The following ROBO1 variants were observed in gnomAD, a reference collection of about 807,000 sequenced individuals.
ROBO1 encodes the protein roundabout homolog 1.
Under a neutral mutation model 195.9 loss-of-function variants are expected in ROBO1, and 149 were observed. The observed-to-expected ratio is 0.76, with a 90% CI of 0.67 to 0.87. ROBO1 has a LOEUF of 0.87. Among genes scored for constraint, ROBO1 ranks in the 40% least tolerant of loss-of-function variants. The probability of loss-of-function intolerance (pLI) is 0.00; values close to 1 mark genes in which losing one functional copy is unlikely to be tolerated. For missense variants in ROBO1, 1,933 were observed against 2,068.3 expected, an observed-to-expected ratio of 0.93 and a Z score of 1.27; for synonymous variants, 816 against 733.2, an observed-to-expected ratio of 1.11 and a Z score of -1.82.
chr3:78,997,789 G>A lies in ROBO1; in HGVS notation c.173-58862C>T, dbSNP rs557870290. On this transcript the variant is annotated intron_variant, in intron 3 of 30. Transcript: ENST00000464233. ...GTGATGCTTGACCCGTCTTATGTGT[G>A]CTGAGTATTAATTGGGCAGTAGGGT... 2.6e-5 allele frequency among the ~76,000 whole-genome samples: 4 copies of A among 152,240 alleles called. No homozygotes were observed. The East Asian group carries it at 7.7e-4, about 29-fold the overall frequency.
At position 79,026,007 on chromosome 3, in the gene ROBO1, A is replaced by C. The variant is rs1417137845; in HGVS notation, c.173-87080T>G. ...ACCTTTAACATCCTTACATCATTAG[A>C]TATGGCATAGTATAATAGATATTGT... On this transcript the variant is annotated intron_variant, in intron 3 of 30. Coordinates refer to ENST00000464233, the MANE Select transcript of ROBO1 (RefSeq NM_002941.4). Among the ~76,000 whole-genome samples, 3 of 152,136 alleles carry C rather than the reference A, an allele frequency of 2.0e-5. No individual in the cohort carries two copies. The East Asian group carries it at 5.8e-4, about 29-fold the overall frequency.
chr3:79,151,033 T>C (rs1166253675), intron 2 of ROBO1, among the ~76,000 whole-genome samples: 1 of 151,750 alleles, frequency 6.6e-6, no homozygotes, highest in African/African-American at 2.4e-5. Context: ...TCCGTACTGT[T>C]CACGTGGTAA....
intron 3 of ROBO1, among the ~76,000 whole-genome samples, chr3:78,970,449 CTA>C (rs1396810604): frequency 6.6e-6 from 1 of 152,114 alleles, no homozygotes; most frequent in Non-Finnish European, 1.5e-5. Flanking sequence ...AAACAGTGAA[CTA>C]TATCTACCCC....
At chr3:79,666,233 A>T (rs576763042) in intron 1 of ROBO1, among the ~76,000 whole-genome samples, 137 of 152,024 alleles carry the variant, frequency 9.0e-4, no homozygotes, top group African/African-American at 3.2e-3. Flanking sequence ...AAGCAAGCTA[A>T]AAAGAATCCC....
chr3:79,759,175 T>C (rs1304498892), intron 1 of ROBO1, among the ~76,000 whole-genome samples: 1 of 152,226 alleles, frequency 6.6e-6, no homozygotes, highest in Non-Finnish European at 1.5e-5. Flanking sequence ...CAGAATACTT[T>C]CTATGACTGC....
chr3:78,971,922 T>C lies in ROBO1; in HGVS notation c.173-32995A>G, dbSNP rs575983449. Reference sequence around the variant, plus strand: ...CTGGGATTACAGGCGCCCGCCACCATGCCCACTTAATATTTTTGTATTTTT... The same window carrying C: ...CTGGGATTACAGGCGCCCGCCACCACGCCCACTTAATATTTTTGTATTTTT... On this transcript the variant is annotated intron_variant, in intron 3 of 30. Coordinates refer to ENST00000464233, the MANE Select transcript of ROBO1 (RefSeq NM_002941.4). Among the ~76,000 whole-genome samples, 39 of 152,192 alleles carry C rather than the reference T, an allele frequency of 2.6e-4. No individual in the cohort carries two copies. The South Asian group carries it at 4.6e-3, about 18-fold the overall frequency.
chr3:79,648,806 A>C (rs538216707), intron 1 of ROBO1, among the ~76,000 whole-genome samples: 1 of 152,102 alleles, frequency 6.6e-6, no homozygotes, highest in Non-Finnish European at 1.5e-5. Flanking sequence ...CGAAAAACTA[A>C]AAACATCTCT....
At chr3:79,712,318 G>C (rs141694941) in intron 1 of ROBO1, among the ~76,000 whole-genome samples, 4 of 152,166 alleles carry the variant, frequency 2.6e-5, no homozygotes, top group African/African-American at 9.6e-5. Flanking sequence ...AGTGAACATA[G>C]GGATGATAAG....
chr3:79,590,039 C>A, intron 1 of ROBO1, 78 bp from the exon 2 acceptor site: 1 of 584,096 alleles, frequency 1.7e-6, no homozygotes, highest in South Asian at 2.8e-5. Context: ...CATTGCAGTT[C>A]AAATAGATTT....
intron 2 of ROBO1, among the ~76,000 whole-genome samples, chr3:79,365,047 T>A (rs2035917154): frequency 6.6e-6 from 1 of 152,174 alleles, no homozygotes; most frequent in African/African-American, 2.4e-5. Flanking sequence ...ACAACTTCTT[T>A]ATATTCAGTT....
intron 2 of ROBO1, among the ~76,000 whole-genome samples, chr3:79,322,267 A>T (rs1477592449): frequency 6.6e-6 from 1 of 152,186 alleles, no homozygotes; most frequent in East Asian, 1.9e-4. Flanking sequence ...CATTCAGGTT[A>T]AAGGAGGGCA....
At chr3:78,775,663 G>A (rs2083486365) in intron 4 of ROBO1, among the ~76,000 whole-genome samples, 1 of 152,176 alleles carries the variant, frequency 6.6e-6, no homozygotes, top group South Asian at 2.1e-4. Context: ...AGCATTCAGA[G>A]CTTTTCTCTC....
chr3:78,816,602 G>A (rs2029946007), intron 4 of ROBO1, among the ~76,000 whole-genome samples: 1 of 152,170 alleles, frequency 6.6e-6, no homozygotes, highest in Non-Finnish European at 1.5e-5. Flanking sequence ...GTGACATTTT[G>A]TGACTCATGG....
chr3:79,511,244 G>A lies in ROBO1; in HGVS notation c.88+78580C>T, dbSNP rs187894052. On this transcript the variant is annotated intron_variant, in intron 2 of 30. Coordinates refer to ENST00000464233, the MANE Select transcript of ROBO1 (RefSeq NM_002941.4). ...TTTGGCCTAGTGTGCTGCTCACTTA[G>A]AAATAATGGACAATTAAATGATCGC... Among the ~76,000 whole-genome samples, 311 of 152,230 alleles carry A rather than the reference G, an allele frequency of 2.0e-3. 2 individuals are homozygous for A. Among genetic ancestry groups the A allele is most frequent in the African/African-American group, 6.2e-3 (258 of 41,546 alleles).
intron 3 of ROBO1, among the ~76,000 whole-genome samples, chr3:79,073,572 T>C (rs1043206197): frequency 1.3e-5 from 2 of 151,836 alleles, no homozygotes; most frequent in Non-Finnish European, 2.9e-5. Flanking sequence ...GATGAGATTA[T>C]GGACAGTACT....
At chr3:79,246,609 C>T (rs2082628185) in intron 2 of ROBO1, among the ~76,000 whole-genome samples, 1 of 152,100 alleles carries the variant, frequency 6.6e-6, no homozygotes, top group Admixed American at 6.6e-5. Context: ...CTCTGGAGCA[C>T]TCTGCCTATG....
At chr3:79,527,875 G>A (rs1430760186) in intron 2 of ROBO1, 1 of 152,484 alleles carries the variant, frequency 6.6e-6, no homozygotes, top group Non-Finnish European at 1.5e-5. Flanking sequence ...TCAGCAGGAA[G>A]GTCAGTGATG....
At chr3:79,694,143 AAAC>A (rs1422891641) in intron 1 of ROBO1, among the ~76,000 whole-genome samples, 2 of 151,822 alleles carry the variant, frequency 1.3e-5, no homozygotes, top group Non-Finnish European at 2.9e-5. Context: ...CTTCAGGAAA[AAAC>A]AACAACACAA....
intron 2 of ROBO1, among the ~76,000 whole-genome samples, chr3:79,412,346 C>T (rs1442961253): frequency 6.6e-6 from 1 of 152,148 alleles, no homozygotes; most frequent in Non-Finnish European, 1.5e-5. Flanking sequence ...CCATCTCTCA[C>T]TTCTTCCATA....
Sources: allele counts gnomAD v4.1 joint callset (sites outside exome capture counted in the v4.1 genomes callset), GRCh38; gene constraint gnomAD v4.1.1; transcripts MANE v1.5; gene names NCBI Gene and HGNC (gene_info 2026-07-23, HGNC 2026-07-21).